PDGFD: variants seen among roughly 807,000 people sequenced by gnomAD.
PDGFD encodes platelet derived growth factor D, also known as platelet-derived growth factor D.
Under a neutral mutation model 44.7 loss-of-function variants are expected in PDGFD, and 30 were observed. The ratio of observed to expected loss-of-function variants is 0.67; its 90% CI spans 0.50 to 0.91. PDGFD has a LOEUF of 0.91. Among genes scored for constraint, PDGFD ranks in the 40% least tolerant of loss-of-function variants. The probability of loss-of-function intolerance (pLI) is 0.00; values close to 1 mark genes in which losing one functional copy is unlikely to be tolerated. For missense variants in PDGFD, 445 were observed against 457.8 expected, an observed-to-expected ratio of 0.97 and a Z score of 0.25; for synonymous variants, 173 against 168.4, an observed-to-expected ratio of 1.03 and a Z score of -0.21.
chr11:104,016,860 T>C (rs11607887), intron 1 of PDGFD, among the ~76,000 whole-genome samples: 1,583 of 152,346 alleles, frequency 0.01, 15 homozygotes, highest in Non-Finnish European at 0.019. Flanking sequence ...CAATTTGCCA[T>C]GTAGCACTAT....
At chr11:104,052,328 TA>T (rs1234502195) in intron 1 of PDGFD, among the ~76,000 whole-genome samples, 4 of 151,430 alleles carry the variant, frequency 2.6e-5, no homozygotes, top group Non-Finnish European at 4.4e-5. Flanking sequence ...AAACCTCAAC[TA>T]TCCTGATTAA....
rs555522500 is a variant in PDGFD, at chr11:104,000,798, T to A, written c.125-543A>T. Among the ~76,000 whole-genome samples, 29 of 152,252 alleles carry A rather than the reference T, an allele frequency of 1.9e-4. No homozygotes were observed. The South Asian group carries it at 6.0e-3, about 32-fold the overall frequency. On this transcript the variant is annotated intron_variant, in intron 1 of 6. Coordinates refer to ENST00000393158, the MANE Select transcript of PDGFD (RefSeq NM_025208.5). ...ATCCTTCCACCACGAAAAATCATAA[T>A]TTTGTGTCTTGGGTTTTCTATGAGT...
At chr11:103,940,705 T>C (rs1733365565) in intron 5 of PDGFD, among the ~76,000 whole-genome samples, 1 of 152,164 alleles carries the variant, frequency 6.6e-6, no homozygotes, top group South Asian at 2.1e-4. Context: ...ATCAATGGAA[T>C]GATAAATAAT....
intron 1 of PDGFD, among the ~76,000 whole-genome samples, chr11:104,124,073 T>C (rs1388602332): frequency 6.6e-6 from 1 of 151,998 alleles, no homozygotes; most frequent in African/African-American, 2.4e-5. Flanking sequence ...CAGTGAGATA[T>C]CGATGTAAAA....
intron 1 of PDGFD, among the ~76,000 whole-genome samples, chr11:104,150,967 C>A (rs953416443): frequency 6.6e-6 from 1 of 152,154 alleles, no homozygotes; most frequent in Non-Finnish European, 1.5e-5. Context: ...CCCCAACACA[C>A]GATTTTCTAA....
At chr11:103,929,374 C>T (rs1174279641) in intron 5 of PDGFD, among the ~76,000 whole-genome samples, 2 of 152,140 alleles carry the variant, frequency 1.3e-5, no homozygotes, top group Non-Finnish European at 2.9e-5. Flanking sequence ...TGAATGGCCA[C>T]ATCCTTATCT....
chr11:104,109,320 C>A (rs1443350845), intron 1 of PDGFD, among the ~76,000 whole-genome samples: 2 of 152,088 alleles, frequency 1.3e-5, no homozygotes, highest in African/African-American at 4.8e-5. Flanking sequence ...CGAGATGTTT[C>A]TTTACTTTTC....
chr11:103,961,291 A>G (rs2052762166), intron 3 of PDGFD, among the ~76,000 whole-genome samples: 1 of 152,186 alleles, frequency 6.6e-6, no homozygotes, highest in South Asian at 2.1e-4. Flanking sequence ...AGATGTTAAT[A>G]AATATTTGTA....
chr11:104,073,629 C>T (rs1243323609), intron 1 of PDGFD, among the ~76,000 whole-genome samples: 1 of 152,166 alleles, frequency 6.6e-6, no homozygotes, highest in Non-Finnish European at 1.5e-5. Context: ...AATGACTCTA[C>T]TGAAGGTTTT....
intron 1 of PDGFD, among the ~76,000 whole-genome samples, chr11:104,143,512 T>G (rs1170926530): frequency 6.6e-6 from 1 of 152,152 alleles, no homozygotes; most frequent in Non-Finnish European, 1.5e-5. Context: ...GAGGTACCAT[T>G]TATATTTTAG....
At chr11:104,064,179 A>G (rs943202951) in intron 1 of PDGFD, among the ~76,000 whole-genome samples, 10 of 152,202 alleles carry the variant, frequency 6.6e-5, no homozygotes, top group Non-Finnish European at 1.3e-4. Flanking sequence ...TGTTGCCTTT[A>G]CAATGTGTTC....
chr11:103,971,505 A>T (rs987609387), intron 3 of PDGFD, among the ~76,000 whole-genome samples: 1 of 151,966 alleles, frequency 6.6e-6, no homozygotes, highest in Non-Finnish European at 1.5e-5. Context: ...TTTCTCTTAC[A>T]TGATAATTTG....
chr11:104,117,316 T>C (rs1395326575), intron 1 of PDGFD, among the ~76,000 whole-genome samples: 3 of 151,856 alleles, frequency 2.0e-5, no homozygotes, highest in Non-Finnish European at 4.4e-5. Flanking sequence ...CTCTGAGAAC[T>C]GGAACAAGAC....
intron 1 of PDGFD, among the ~76,000 whole-genome samples, chr11:104,105,248 CAAG>C (rs1038147344): frequency 2.8e-4 from 42 of 152,088 alleles, no homozygotes; most frequent in African/African-American, 9.9e-4. Context: ...TGTAGCTGAG[CAAG>C]AAGGAGGGAA....
At chr11:104,099,748 T>C (rs1028022343) in intron 1 of PDGFD, among the ~76,000 whole-genome samples, 2 of 151,474 alleles carry the variant, frequency 1.3e-5, no homozygotes, top group Non-Finnish European at 2.9e-5. Context: ...CATTTACTAT[T>C]CTGAAATTTT....
At chr11:104,085,036 C>A (rs546319064) in intron 1 of PDGFD, among the ~76,000 whole-genome samples, 1 of 150,350 alleles carries the variant, frequency 6.7e-6, no homozygotes, top group East Asian at 1.9e-4. Context: ...TAGTATATTT[C>A]AAAACAAAAA....
chr11:104,037,749 T>C (rs774025548), intron 1 of PDGFD: 1 of 1,614,002 alleles, frequency 6.2e-7, no homozygotes, highest in African/African-American at 1.3e-5. Flanking sequence ...AGATTCAAAT[T>C]GAAGGTGATT....
intron 6 of PDGFD, among the ~76,000 whole-genome samples, chr11:103,918,661 A>C (rs910454165): frequency 6.6e-6 from 1 of 152,210 alleles, no homozygotes; most frequent in Non-Finnish European, 1.5e-5. Flanking sequence ...GCTGATAAGA[A>C]GAGAAAAATG....
At chr11:103,980,368 T>A (rs1011031112) in intron 3 of PDGFD, among the ~76,000 whole-genome samples, 1 of 152,076 alleles carries the variant, frequency 6.6e-6, no homozygotes, top group Non-Finnish European at 1.5e-5. Context: ...AAACTTCAAG[T>A]CCAAATTTAC....
Sources: allele counts gnomAD v4.1 joint callset (sites outside exome capture counted in the v4.1 genomes callset), GRCh38; gene constraint gnomAD v4.1.1; transcripts MANE v1.5; gene names NCBI Gene and HGNC (gene_info 2026-07-23, HGNC 2026-07-21).